Variants in LAMTOR3 observed in about 807,000 individuals in gnomAD.
LAMTOR3 encodes ragulator complex protein LAMTOR3.
Under a neutral mutation model 20.3 loss-of-function variants are expected in LAMTOR3, and 14 were observed. That is an observed-to-expected ratio of 0.69 (90% confidence interval 0.46 to 1.08). The LOEUF (loss-of-function observed/expected upper bound fraction) is 1.08. Among genes scored for constraint, LAMTOR3 ranks in the 50% least tolerant of loss-of-function variants. LAMTOR3 has a pLI of 0.00. For synonymous variants in LAMTOR3, 40 were observed against 49.4 expected, an observed-to-expected ratio of 0.81 and a Z score of 0.80; for missense variants, 125 against 143.7, an observed-to-expected ratio of 0.87 and a Z score of 0.67.
In LAMTOR3 at chr4:99,892,149, G is replaced by A. The variant is rs1405276408; in HGVS notation, c.10-115C>T. 1.5e-5 allele frequency: 21 copies of A among 1,409,176 alleles called. No homozygotes were observed. In the Admixed American group the frequency reaches 4.8e-4, roughly 32 times the overall value. 87.3% of individuals were successfully genotyped at this position (1,409,176 alleles called of 1,614,324 possible). On this transcript the variant is annotated intron_variant, in intron 2 of 6. Coordinates refer to ENST00000499666, the MANE Select transcript of LAMTOR3 (RefSeq NM_021970.4). ...GTTATCATTCATAACCTTTCTTGCT[G>A]TGTTTTATCTTTCTCTGTCTGATTT...
intron 3 of LAMTOR3, among the ~76,000 whole-genome samples, chr4:99,887,949 G>A (rs977553676): frequency 6.6e-6 from 1 of 152,210 alleles, no homozygotes; most frequent in Admixed American, 6.5e-5. Flanking sequence ...GCCAGAGAAG[G>A]CTTTCCTGGA....
chr4:99,892,048 T>C lies in LAMTOR3; in HGVS notation c.10-14A>G. The C allele has an allele frequency of 1.3e-6, 2 of 1,562,938 alleles. No homozygotes were observed. The highest frequency in any genetic ancestry group is 1.2e-5 in the South Asian group (1 of 82,838). On this transcript the variant is annotated splice_polypyrimidine_tract_variant and intron_variant, in intron 2 of 6. Coordinates refer to ENST00000499666, the MANE Select transcript of LAMTOR3 (RefSeq NM_021970.4). ...TCGCTTTAGGTCCTGAAAGAGAGCATTAAAAAATAATGTTGTAATAATAGG... is the reference window on the plus strand; with the variant it reads ...TCGCTTTAGGTCCTGAAAGAGAGCACTAAAAAATAATGTTGTAATAATAGG...
intron 3 of LAMTOR3, among the ~76,000 whole-genome samples, chr4:99,888,345 G>A (rs1724965319): frequency 6.6e-6 from 1 of 152,180 alleles, no homozygotes; most frequent in Non-Finnish European, 1.5e-5. Context: ...GGTGTCAATT[G>A]TGCACACTGA....
intron 1 of LAMTOR3, 66 bp from the exon 2 acceptor site, chr4:99,894,066 A>C: frequency 6.8e-6 from 7 of 1,036,918 alleles, no homozygotes; most frequent in African/African-American, 1.6e-5. Context: ...CCACAACTTA[A>C]TACGCGAGAT....
chr4:99,885,838 A>T (rs902084745), intron 4 of LAMTOR3, among the ~76,000 whole-genome samples, 163 bp from the exon 5 acceptor site: 4 of 152,202 alleles, frequency 2.6e-5, no homozygotes, highest in African/African-American at 9.6e-5. Context: ...AATCAGGAAA[A>T]ACTGCTCAAT....
chr4:99,890,879 T>C (rs1725009713), intron 3 of LAMTOR3, among the ~76,000 whole-genome samples: 1 of 152,192 alleles, frequency 6.6e-6, no homozygotes, highest in Admixed American at 6.5e-5. Flanking sequence ...CTCTAATTCC[T>C]TTACACAGAC....
chr4:99,892,865 A>C (rs369659926), intron 2 of LAMTOR3, among the ~76,000 whole-genome samples: 46 of 152,214 alleles, frequency 3.0e-4, no homozygotes, highest in African/African-American at 4.1e-4. Flanking sequence ...TTTTTAGAAA[A>C]GACAACGTTT....
At chr4:99,891,966 G>A (rs374674070) in intron 3 of LAMTOR3, 34 bp downstream of exon 3, 1 of 1,560,444 alleles carries the variant, frequency 6.4e-7, no homozygotes, top group South Asian at 1.2e-5. Flanking sequence ...ATGGCATATA[G>A]AATTTATTCA....
chr4:99,879,527 T>G lies in LAMTOR3; in HGVS notation c.*2467A>C, dbSNP rs1289173796. 6.6e-6 allele frequency: 1 copy of G among 152,142 alleles called. No individual in the cohort carries two copies. The highest frequency in any genetic ancestry group is 1.5e-5 in the Non-Finnish European group (1 of 68,010). 9.4% of individuals were successfully genotyped at this position (152,142 alleles called of 1,614,324 possible). The stretch of plus-strand genomic sequence containing the variant: ...GACATTGTTTCATGCACCATTGCAC[T>G]GGCAAAAATTTCCTGAACGATATTA... On this transcript the variant is annotated 3_prime_UTR_variant, in exon 7 of 7. Coordinates refer to ENST00000499666, the MANE Select transcript of LAMTOR3 (RefSeq NM_021970.4).
Position 99,878,861 on chromosome 4 carries a change from C to G in LAMTOR3, c.*3133G>C, listed in dbSNP as rs189148238. On this transcript the variant is annotated 3_prime_UTR_variant, in exon 7 of 7. Transcript: ENST00000499666. ...ACTGGTAGTGTTCAAAAAGCCAAAGCATATGGTTATCCTACCTATGGCAGA... is the reference window on the plus strand; with the variant it reads ...ACTGGTAGTGTTCAAAAAGCCAAAGGATATGGTTATCCTACCTATGGCAGA... 1.2e-3 allele frequency: 183 copies of G among 152,294 alleles called. 1 individual carries two copies. The highest frequency in any genetic ancestry group is 4.4e-3 in the African/African-American group (181 of 41,556). The allele number at this position is 152,294 out of a possible 1,614,324, so 9.4% of individuals were successfully genotyped here. A position where few individuals can be genotyped will look rare whatever the true frequency, so the allele number is the denominator to read the frequency against.
intron 2 of LAMTOR3, 52 bp from the exon 3 acceptor site, chr4:99,892,086 T>G: frequency 6.5e-7 from 1 of 1,527,296 alleles, no homozygotes; most frequent in Middle Eastern, 1.7e-4. Context: ...TTCCACTGTT[T>G]TCTAGATCCT....
Position 99,878,644 on chromosome 4 carries a change from G to C in LAMTOR3, c.*3350C>G, listed in dbSNP as rs2110176808. ...TACATCAATTGTAGCATGCCATACA[G>C]TTTGACACCATGCTTTTCTCAATAA... On this transcript the variant is annotated 3_prime_UTR_variant, in exon 7 of 7. Coordinates refer to ENST00000499666, the MANE Select transcript of LAMTOR3 (RefSeq NM_021970.4). The C allele has an allele frequency of 6.6e-6, 1 of 152,268 alleles. No individual in the cohort carries two copies. Among genetic ancestry groups the C allele is most frequent in the South Asian group, 2.1e-4 (1 of 4,828 alleles). 9.4% of individuals were successfully genotyped at this position (152,268 alleles called of 1,614,324 possible). A position where few individuals can be genotyped will look rare whatever the true frequency, so the allele number is the denominator to read the frequency against.
At chr4:99,882,549 T>C (rs1724846046) in intron 6 of LAMTOR3, among the ~76,000 whole-genome samples, 1 of 152,098 alleles carries the variant, frequency 6.6e-6, no homozygotes, top group Non-Finnish European at 1.5e-5. Flanking sequence ...GAATAAATTA[T>C]ATGCACTATA....
intron 4 of LAMTOR3, among the ~76,000 whole-genome samples, chr4:99,886,389 A>G (rs1426675416): frequency 6.6e-6 from 1 of 152,250 alleles, no homozygotes; most frequent in Non-Finnish European, 1.5e-5. Context: ...TTGGACGGCA[A>G]TGTCCGAAGA....
At position 99,880,792 on chromosome 4, in the gene LAMTOR3, T is replaced by C. The variant is rs1724810195; in HGVS notation, c.*1202A>G. 6.6e-6 allele frequency: 1 copy of C among 152,232 alleles called. No homozygotes were observed. Among genetic ancestry groups the C allele is most frequent in the Non-Finnish European group, 1.5e-5 (1 of 68,062 alleles). 9.4% of individuals were successfully genotyped at this position (152,232 alleles called of 1,614,324 possible). On this transcript the variant is annotated 3_prime_UTR_variant, in exon 7 of 7. Coordinates refer to ENST00000499666, the MANE Select transcript of LAMTOR3 (RefSeq NM_021970.4). Reference sequence around the variant, plus strand: ...GGCTGACTGGCACACAGGTGCTCAATGCATATGTACTGAACTGATCCAGGG... The same window carrying C: ...GGCTGACTGGCACACAGGTGCTCAACGCATATGTACTGAACTGATCCAGGG...
chr4:99,892,944 T>C (rs1295343208), intron 2 of LAMTOR3, among the ~76,000 whole-genome samples: 2 of 152,192 alleles, frequency 1.3e-5, no homozygotes, highest in African/African-American at 4.8e-5. Flanking sequence ...CCTCCCAAAG[T>C]GCTGGGATTA....
rs1724810603 is a variant in LAMTOR3, at chr4:99,880,800, T to C, written c.*1194A>G. 1 of 152,268 alleles carries C rather than the reference T, an allele frequency of 6.6e-6. No homozygotes were observed. Among genetic ancestry groups the C allele is most frequent in the Admixed American group, 6.5e-5 (1 of 15,282 alleles). 9.4% of individuals were successfully genotyped at this position (152,268 alleles called of 1,614,324 possible). On this transcript the variant is annotated 3_prime_UTR_variant, in exon 7 of 7. Transcript: ENST00000499666. ...GGCACACAGGTGCTCAATGCATATG[T>C]ACTGAACTGATCCAGGGAAAAACTG...
In LAMTOR3 at chr4:99,878,861, C is replaced by T. The variant is rs189148238; in HGVS notation, c.*3133G>A. 4 of 152,176 alleles carry T rather than the reference C, an allele frequency of 2.6e-5. No individual in the cohort carries two copies. The highest frequency in any genetic ancestry group is 5.9e-5 in the Non-Finnish European group (4 of 68,028). 9.4% of individuals were successfully genotyped at this position (152,176 alleles called of 1,614,324 possible). On this transcript the variant is annotated 3_prime_UTR_variant, in exon 7 of 7. Transcript: ENST00000499666. ...ACTGGTAGTGTTCAAAAAGCCAAAG[C>T]ATATGGTTATCCTACCTATGGCAGA...
In LAMTOR3 at chr4:99,884,121, A is replaced by G. The variant is rs1724876446; in HGVS notation, c.242T>C (p.Val81Ala). The G allele has an allele frequency of 1.2e-6, 2 of 1,611,424 alleles. No homozygotes were observed. Among genetic ancestry groups the G allele is most frequent in the Middle Eastern group, 1.8e-4 (1 of 5,700 alleles). The change falls in exon 6 of 7, where the codon GTT becomes GCT. Residue 81 changes from valine (V) to alanine (A), a missense_variant. By Grantham distance (64) the Val-to-Ala change is moderately conservative. Coordinates refer to ENST00000499666, the MANE Select transcript of LAMTOR3 (RefSeq NM_021970.4). ...IICYYNTYQVVQFNRLPLVVS... is the reference protein window; with the variant it reads ...IICYYNTYQVAQFNRLPLVVS... ...CACCAAAGGTAAACGATTAAATTGA[A>G]CCACCTAAAAAGAAAATAAGAGCCA...
Sources: allele counts gnomAD v4.1 joint callset (sites outside exome capture counted in the v4.1 genomes callset), GRCh38; gene constraint gnomAD v4.1.1; transcripts MANE v1.5; gene names NCBI Gene and HGNC (gene_info 2026-07-23, HGNC 2026-07-21).